Variants in KAT6B observed in about 807,000 individuals in gnomAD.
KAT6B encodes the protein lysine acetyltransferase 6B.
KAT6B carries 10 observed loss-of-function variants against 187.5 expected under a neutral mutation model. That is an observed-to-expected ratio of 0.05 (90% CI 0.03 to 0.09). KAT6B has a LOEUF of 0.09. KAT6B is among the 10% of genes least tolerant of loss of function. The pLI is 1.00. For synonymous variants in KAT6B, 861 were observed against 926.8 expected, an observed-to-expected ratio of 0.93 and a Z score of 1.29; for missense variants, 1,952 against 2,558.9, an observed-to-expected ratio of 0.76 and a Z score of 5.12.
At chr10:74,933,322 A>G (rs1169980354) in intron 3 of KAT6B, among the ~76,000 whole-genome samples, 1 of 152,202 alleles carries the variant, frequency 6.6e-6, no homozygotes, top group African/African-American at 2.4e-5. Context: ...TAGGGTTTTG[A>G]GTTTGTTATC....
intron 3 of KAT6B, among the ~76,000 whole-genome samples, chr10:74,874,466 G>A (rs1844248914): frequency 6.6e-6 from 1 of 152,016 alleles, no homozygotes; most frequent in South Asian, 2.1e-4. Context: ...TGCAACCTCT[G>A]CCTCCTAGTT....
intron 13 of KAT6B, among the ~76,000 whole-genome samples, chr10:74,989,317 A>G (rs1400574038): frequency 6.6e-6 from 1 of 152,216 alleles, no homozygotes; most frequent in Non-Finnish European, 1.5e-5. Context: ...GGAAATTGAG[A>G]CTAGATCTCT....
chr10:74,913,701 A>G lies in KAT6B; in HGVS notation c.622-46269A>G, dbSNP rs372729319. 3.3e-3 allele frequency among the ~76,000 whole-genome samples: 506 copies of G among 152,332 alleles called. 7 individuals are homozygous for G. The highest frequency in any genetic ancestry group is 0.011 in the African/African-American group (466 of 41,574). On this transcript the variant is annotated intron_variant, in intron 3 of 17. Transcript: ENST00000287239. ...TGCCCTTTTGAGGGTGAATACACAA[A>G]GGGGAAAGAAAACTTGTGTGCCCAC...
intron 16 of KAT6B, among the ~76,000 whole-genome samples, chr10:75,022,837 C>T (rs1177929725): frequency 6.6e-6 from 1 of 152,160 alleles, no homozygotes; most frequent in East Asian, 1.9e-4. Context: ...GAGGCTGAGA[C>T]AGGAGAACCC....
intron 3 of KAT6B, among the ~76,000 whole-genome samples, chr10:74,935,236 C>T (rs1274069083): frequency 2.0e-5 from 3 of 151,476 alleles, no homozygotes; most frequent in Non-Finnish European, 4.4e-5. Flanking sequence ...GAATGAAGAG[C>T]ACACCCGATA....
Position 74,979,311 on chromosome 10 carries a change from T to TCCTCGC in KAT6B, c.2205_2210dup (p.Ser736_Pro737dup). 2 of 1,613,340 alleles carry TCCTCGC rather than the reference T, an allele frequency of 1.2e-6. No individual in the cohort carries two copies. Among genetic ancestry groups the TCCTCGC allele is most frequent in the Non-Finnish European group, 1.7e-6 (2 of 1,179,286 alleles). On this transcript the variant is annotated inframe_insertion, in exon 10 of 18. Transcript: ENST00000287239. ...TAAATATGAAATCCAAACCTGGTACTCCTCGCCTTACCCACAGGAATATGC... is the reference window on the plus strand; with the variant it reads ...TAAATATGAAATCCAAACCTGGTACTCCTCGCCCTCGCCTTACCCACAGGAATATGC...
At chr10:74,898,906 T>G (rs1846175355) in intron 3 of KAT6B, among the ~76,000 whole-genome samples, 1 of 150,974 alleles carries the variant, frequency 6.6e-6, no homozygotes, top group South Asian at 2.1e-4. Context: ...ATCCTAGCAC[T>G]CTGGGAGGCT....
rs1006661039 is a variant in KAT6B, at chr10:74,842,622, T to C, written c.-236T>C. The C allele has an allele frequency of 5.0e-6, 3 of 603,546 alleles. No homozygotes were observed. The African/African-American group carries it at 5.6e-5, about 11-fold the overall frequency. 37.4% of individuals were successfully genotyped at this position (603,546 alleles called of 1,614,324 possible). ...AAGGTCTTGATTTCCCAGTTAAAGA[T>C]GTTCTTCACCCGAATGCAGTCTTTC... is the stretch of plus-strand genomic sequence containing the variant. On this transcript the variant is annotated 5_prime_UTR_variant, in exon 3 of 18. The change abolishes an upstream ATG in the 5' untranslated region. Transcript: ENST00000287239.
At chr10:74,896,525 A>T (rs561122579) in intron 3 of KAT6B, among the ~76,000 whole-genome samples, 79 of 152,246 alleles carry the variant, frequency 5.2e-4, no homozygotes, top group Middle Eastern at 3.4e-3. Context: ...CCTGACCTCA[A>T]GTGATCCACC....
At chr10:74,955,490 T>TG (rs1840623907) in intron 3 of KAT6B, among the ~76,000 whole-genome samples, 1 of 150,244 alleles carries the variant, frequency 6.7e-6, no homozygotes, top group African/African-American at 2.5e-5. Flanking sequence ...AACACCTATA[T>TG]GCCTTTTACA....
At chr10:74,829,020 AAAAG>A (rs1320240127) in intron 1 of KAT6B, among the ~76,000 whole-genome samples, 1 of 151,440 alleles carries the variant, frequency 6.6e-6, no homozygotes, top group Admixed American at 6.6e-5. Flanking sequence ...AAAAAAAAAA[AAAAG>A]AAAAGAAAAG....
At chr10:74,950,899 G>A (rs1840270011) in intron 3 of KAT6B, among the ~76,000 whole-genome samples, 1 of 151,956 alleles carries the variant, frequency 6.6e-6, no homozygotes, top group Non-Finnish European at 1.5e-5. Flanking sequence ...GATCACTTGA[G>A]CCCAGGCGTT....
At position 75,021,788 on chromosome 10, in the gene KAT6B, A is replaced by G; in HGVS notation, c.3022-93A>G. 3.6e-6 allele frequency: 5 copies of G among 1,386,760 alleles called. No individual in the cohort carries two copies. In the South Asian group the frequency reaches 6.0e-5, roughly 17 times the overall value. 85.9% of individuals were successfully genotyped at this position (1,386,760 alleles called of 1,614,324 possible). ...TTGGCTGGCTGGCTGTCCTGATCAG[A>G]ACCGACTTAGAGACACTTTGCCATT... On this transcript the variant is annotated intron_variant, in intron 15 of 17. Transcript: ENST00000287239.
intron 3 of KAT6B, among the ~76,000 whole-genome samples, chr10:74,860,859 C>G (rs971049742): frequency 6.6e-6 from 1 of 151,930 alleles, no homozygotes; most frequent in African/African-American, 2.4e-5. Context: ...TTAGCTGGGC[C>G]AGGCGCAGTG....
At chr10:74,831,530 C>T (rs534828698) in intron 1 of KAT6B, among the ~76,000 whole-genome samples, 2 of 152,262 alleles carry the variant, frequency 1.3e-5, no homozygotes, top group East Asian at 3.9e-4. Context: ...CTTTCCTTCA[C>T]TTTTTTCTGT....
rs547418121 is a variant in KAT6B, at chr10:74,854,177, G to A, written c.621+10699G>A. Among the ~76,000 whole-genome samples, 94 of 152,280 alleles carry A rather than the reference G, an allele frequency of 6.2e-4. No homozygotes were observed. The South Asian group carries it at 0.014, about 23-fold the overall frequency. On this transcript the variant is annotated intron_variant, in intron 3 of 17. Coordinates refer to ENST00000287239, the MANE Select transcript of KAT6B (RefSeq NM_012330.4). ...TCACCAAATTAAAGTTAGCAAATGC[G>A]TCAGCCATGTAATTTGCATGTGACA... is the stretch of plus-strand genomic sequence containing the variant.
At chr10:74,952,846 A>ATTTTTTTTTTTTTTTTTT (rs34687036) in intron 3 of KAT6B, among the ~76,000 whole-genome samples, 9 of 90,520 alleles carry the variant, frequency 9.9e-5, no homozygotes, top group African/African-American at 1.2e-4. Context: ...TGCCTGGCTA[A>ATTTTTTTTTTTTTTTTTT]TTTTTTTTTT....
intron 1 of KAT6B, among the ~76,000 whole-genome samples, chr10:74,832,117 A>C (rs1018207454): frequency 1.3e-5 from 2 of 152,244 alleles, no homozygotes; most frequent in Non-Finnish European, 2.9e-5. Context: ...GCTGGATGAC[A>C]GAAGGTCTGT....
At chr10:74,865,985 A>G (rs1843525110) in intron 3 of KAT6B, among the ~76,000 whole-genome samples, 1 of 152,026 alleles carries the variant, frequency 6.6e-6, no homozygotes, top group African/African-American at 2.4e-5. Flanking sequence ...TACAGTATTC[A>G]TGGATGCAAA....
Sources: allele counts gnomAD v4.1 joint callset (sites outside exome capture counted in the v4.1 genomes callset), GRCh38; gene constraint gnomAD v4.1.1; transcripts MANE v1.5; gene names NCBI Gene and HGNC (gene_info 2026-07-23, HGNC 2026-07-21).